Variants in KCND2 observed in about 807,000 individuals in gnomAD.
KCND2 encodes the protein A-type voltage-gated potassium channel KCND2.
In KCND2, 16 loss-of-function variants were observed where a neutral mutation model predicts 54.4. That is an observed-to-expected ratio of 0.29 (90% CI 0.20 to 0.45). The LOEUF is 0.45. KCND2 is among the 20% of genes least tolerant of loss of function. The pLI, the probability that KCND2 is intolerant of heterozygous loss-of-function variation, is 1.00. For missense variants in KCND2, 486 were observed against 824.2 expected, an observed-to-expected ratio of 0.59 and a Z score of 5.02; for synonymous variants, 317 against 310.7, an observed-to-expected ratio of 1.02 and a Z score of -0.21.
chr7:120,428,418 G>C, intron 1 of KCND2, among the ~76,000 whole-genome samples: 1 of 152,218 alleles, frequency 6.6e-6, no homozygotes, highest in East Asian at 1.9e-4. Flanking sequence ...TTAGGGACCA[G>C]AGTAGGAAAT....
intron 1 of KCND2, among the ~76,000 whole-genome samples, chr7:120,707,750 G>A (rs1019672549): frequency 6.6e-6 from 1 of 152,018 alleles, no homozygotes; most frequent in Non-Finnish European, 1.5e-5. Flanking sequence ...CTGAAGTAGA[G>A]GGACATTGTT....
At chr7:120,291,461 A>T (rs1271509728) in intron 1 of KCND2, among the ~76,000 whole-genome samples, 2 of 151,938 alleles carry the variant, frequency 1.3e-5, no homozygotes, top group Non-Finnish European at 2.9e-5. Context: ...AGAATTTAAC[A>T]ACTTGAACAC....
chr7:120,633,545 C>G (rs1410543033), intron 1 of KCND2, among the ~76,000 whole-genome samples: 10 of 152,078 alleles, frequency 6.6e-5, no homozygotes, highest in African/African-American at 2.4e-4. Context: ...TAATGAAAGC[C>G]AAATTTAATC....
At chr7:120,683,227 TG>T (rs1792162014) in intron 1 of KCND2, among the ~76,000 whole-genome samples, 1 of 152,324 alleles carries the variant, frequency 6.6e-6, no homozygotes, top group South Asian at 2.1e-4. Context: ...AGAAATCCTA[TG>T]GTTTTTTTAT....
At chr7:120,478,025 A>G (rs1312472969) in intron 1 of KCND2, among the ~76,000 whole-genome samples, 1 of 152,190 alleles carries the variant, frequency 6.6e-6, no homozygotes, top group East Asian at 1.9e-4. Context: ...CTAACAATGT[A>G]ATAAAGATAA....
intron 1 of KCND2, among the ~76,000 whole-genome samples, chr7:120,581,504 G>A (rs930649877): frequency 6.6e-6 from 1 of 152,160 alleles, no homozygotes; most frequent in Non-Finnish European, 1.5e-5. Context: ...GTCCTAATTA[G>A]ATAGTAAAAG....
At chr7:120,338,139 T>C (rs1800178125) in intron 1 of KCND2, among the ~76,000 whole-genome samples, 1 of 152,112 alleles carries the variant, frequency 6.6e-6, no homozygotes, top group Non-Finnish European at 1.5e-5. Flanking sequence ...ATTATGAATA[T>C]TTCATTGTCT....
At chr7:120,371,889 G>T (rs1168311122) in intron 1 of KCND2, among the ~76,000 whole-genome samples, 1 of 151,862 alleles carries the variant, frequency 6.6e-6, no homozygotes, top group African/African-American at 2.4e-5. Flanking sequence ...TTCACACAAT[G>T]GCAAAATTAC....
intron 1 of KCND2, among the ~76,000 whole-genome samples, chr7:120,276,257 T>C (rs148324422): frequency 1.3e-5 from 2 of 152,306 alleles, no homozygotes; most frequent in Admixed American, 1.3e-4. Context: ...AGATTGTAGA[T>C]GTAATTATCA....
chr7:120,532,300 T>A (rs1203005197), intron 1 of KCND2, among the ~76,000 whole-genome samples: 1 of 152,002 alleles, frequency 6.6e-6, no homozygotes, highest in South Asian at 2.1e-4. Context: ...AATACACATA[T>A]AAACAAGTTT....
At chr7:120,574,764 T>A (rs1792406985) in intron 1 of KCND2, among the ~76,000 whole-genome samples, 2 of 152,198 alleles carry the variant, frequency 1.3e-5, no homozygotes, top group African/African-American at 2.4e-5. Flanking sequence ...TCTCTCTGCC[T>A]ACTCCCCTTT....
At chr7:120,341,655 G>A (rs1800240908) in intron 1 of KCND2, among the ~76,000 whole-genome samples, 1 of 152,062 alleles carries the variant, frequency 6.6e-6, no homozygotes, top group African/African-American at 2.4e-5. Flanking sequence ...GGACTTATTT[G>A]GCTGCAATAG....
chr7:120,367,151 C>CT, intron 1 of KCND2, among the ~76,000 whole-genome samples: 1 of 152,188 alleles, frequency 6.6e-6, no homozygotes, highest in East Asian at 1.9e-4. Context: ...CATACACCTG[C>CT]TACAGACAAG....
intron 1 of KCND2, among the ~76,000 whole-genome samples, chr7:120,363,487 C>G (rs1461303782): frequency 1.3e-5 from 2 of 152,120 alleles, no homozygotes; most frequent in African/African-American, 4.8e-5. Context: ...AGCTCTTTCT[C>G]TGATACCTCA....
intron 1 of KCND2, among the ~76,000 whole-genome samples, chr7:120,619,973 T>C (rs1793077226): frequency 6.6e-6 from 1 of 152,172 alleles, no homozygotes; most frequent in South Asian, 2.1e-4. Flanking sequence ...GTTTTGCAAA[T>C]AAGCTACTCA....
chr7:120,465,167 G>T (rs1483106145), intron 1 of KCND2, among the ~76,000 whole-genome samples: 1 of 152,086 alleles, frequency 6.6e-6, no homozygotes, highest in Non-Finnish European at 1.5e-5. Flanking sequence ...AATGGGGCAT[G>T]GAAATTTATG....
chr7:120,707,565 T>C (rs962062912), intron 1 of KCND2, among the ~76,000 whole-genome samples: 1 of 152,146 alleles, frequency 6.6e-6, no homozygotes, highest in Admixed American at 6.6e-5. Context: ...TTGTAATATC[T>C]TACTTTGGAG....
intron 1 of KCND2, among the ~76,000 whole-genome samples, chr7:120,612,752 G>A (rs1156916070): frequency 6.6e-6 from 1 of 152,094 alleles, no homozygotes; most frequent in East Asian, 1.9e-4. Flanking sequence ...TTTGTTATTA[G>A]TTCTTATAAT....
At chr7:120,539,039 T>C (rs1173011911) in intron 1 of KCND2, among the ~76,000 whole-genome samples, 1 of 151,738 alleles carries the variant, frequency 6.6e-6, no homozygotes, top group Non-Finnish European at 1.5e-5. Flanking sequence ...TTGAGATATA[T>C]AATAAATTAT....
Sources: gnomAD v4.1 joint callset for allele counts (sites outside exome capture counted in the v4.1 genomes callset) on GRCh38, gnomAD v4.1.1 for gene constraint, MANE v1.5 for transcripts, NCBI Gene and HGNC (gene_info 2026-07-23, HGNC 2026-07-21) for gene names.